SLC6A19: variants seen among roughly 807,000 people sequenced by gnomAD.
SLC6A19 encodes solute carrier family 6 member 19.
A neutral mutation model predicts 68.3 loss-of-function variants in SLC6A19; 67 were observed. That is an observed-to-expected ratio of 0.98 (90% CI 0.81 to 1.20). The LOEUF (loss-of-function observed/expected upper bound fraction) is 1.20. Ranked by LOEUF, SLC6A19 falls within the 50% of genes most tolerant of loss-of-function variation. SLC6A19 has a pLI of 0.00. For synonymous variants in SLC6A19, 392 were observed against 374.9 expected, an observed-to-expected ratio of 1.05 and a Z score of -0.53; for missense variants, 813 against 851.6, an observed-to-expected ratio of 0.95 and a Z score of 0.56.
rs749344612 is a variant in SLC6A19 at position 1,216,726 on chromosome 5, C to G, written c.1016+40C>G. Reference sequence around the variant, plus strand: ...CACCATCCTGGTGCCTTGGGCTGCGCCTCCAGGAAGCCTCCCAGCCTCCCT... The same window carrying G: ...CACCATCCTGGTGCCTTGGGCTGCGGCTCCAGGAAGCCTCCCAGCCTCCCT... On this transcript the variant is annotated intron_variant, in intron 7 of 11. Transcript: ENST00000304460. The G allele has an allele frequency of 1.1e-5, 17 of 1,613,720 alleles. No homozygotes were observed. In the East Asian group the frequency reaches 3.1e-4, roughly 30 times the overall value.
intron 10 of SLC6A19, among the ~76,000 whole-genome samples, chr5:1,220,834 C>T (rs940662810): frequency 3.3e-5 from 5 of 152,168 alleles, no homozygotes; most frequent in African/African-American, 9.7e-5. Flanking sequence ...GGGTGTCTGG[C>T]GGCGCTCCCT....
rs549389104 is a variant in SLC6A19, at chr5:1,211,959, C to A, written c.482-344C>A. Among the ~76,000 whole-genome samples, 20 of 135,336 alleles carry A rather than the reference C, an allele frequency of 1.5e-4. No homozygotes were observed. In the East Asian group the frequency reaches 2.5e-3, roughly 17 times the overall value. 88.8% of individuals were successfully genotyped at this position (135,336 alleles called of 152,430 possible). On this transcript the variant is annotated intron_variant, in intron 3 of 11. Coordinates refer to ENST00000304460, the MANE Select transcript of SLC6A19 (RefSeq NM_001003841.3). The stretch of plus-strand genomic sequence containing the variant: ...TGTGTGTGCATGTGAGCATGTGTGC[C>A]TGTGTGCATGTGTGTGTGTTGTGTG...
rs372554453 is a variant in SLC6A19, at chr5:1,212,319, C to A, written c.498C>A (p.Cys166Ter). ...TCTCCCCAGGGTATGTGGACGAGTG[C>A]GCCAGGAGCTCCCCTGTGGACTACT... ...NENQTGYVDE[C>*]ARSSPVDYFW... Residue 166 changes from cysteine to a stop codon, truncating the protein, a stop_gained, in exon 4 of 12, where the codon TGC (cysteine) becomes TGA (stop). Coordinates refer to ENST00000304460, the MANE Select transcript of SLC6A19 (RefSeq NM_001003841.3). LOFTEE classifies it high-confidence loss of function. This position sits in a 1 kb window ranked among gnomAD's most constrained non-coding sequence, Gnocchi z 5.1. The A allele has an allele frequency of 6.2e-7, 1 of 1,613,480 alleles. No homozygotes were observed. Among genetic ancestry groups the A allele is most frequent in the East Asian group, 2.2e-5 (1 of 44,888 alleles).
At chr5:1,218,721 G>A (rs1284001862) in intron 8 of SLC6A19, among the ~76,000 whole-genome samples, 182 bp from the exon 9 acceptor site, 5 of 152,220 alleles carry the variant, frequency 3.3e-5, no homozygotes, top group Non-Finnish European at 7.3e-5. Context: ...TGCTGGTCCT[G>A]ATGCATAGTT....
chr5:1,211,678 GTGC>G (rs1178146649), intron 3 of SLC6A19, among the ~76,000 whole-genome samples: 1 of 152,058 alleles, frequency 6.6e-6, no homozygotes, highest in East Asian at 1.9e-4. Context: ...GTGAGCATGT[GTGC>G]TGTGTGCATG....
chr5:1,213,687 A>C, intron 5 of SLC6A19, 114 bp downstream of exon 5: 1 of 1,170,268 alleles, frequency 8.5e-7, no homozygotes, highest in Non-Finnish European at 1.2e-6. Context: ...CTGCTGCTCG[A>C]CCAGTCCCAG....
chr5:1,213,851 C>T (rs1310268896), intron 5 of SLC6A19, 102 bp from the exon 6 acceptor site: 13 of 1,577,044 alleles, frequency 8.2e-6, no homozygotes, highest in Non-Finnish European at 1.1e-5. Context: ...TCCTGACCAC[C>T]CCAATAGCCT....
In SLC6A19 at chr5:1,215,058, G is replaced by A. The variant is rs918924866; in HGVS notation, c.887+993G>A. 1.3e-5 allele frequency among the ~76,000 whole-genome samples: 2 copies of A among 152,018 alleles called. No homozygotes were observed. Among genetic ancestry groups the A allele is most frequent in the Non-Finnish European group, 2.9e-5 (2 of 67,974 alleles). Reference sequence around the variant, plus strand: ...ACAGAAAGGACCCTGGAGTCATTGTGCGAGCACTGGGTGGAGCAGTGAAGC... The same window carrying A: ...ACAGAAAGGACCCTGGAGTCATTGTACGAGCACTGGGTGGAGCAGTGAAGC... On this transcript the variant is annotated intron_variant, in intron 6 of 11. Transcript: ENST00000304460. The surrounding 1 kb of genome is among the most constrained non-coding windows in gnomAD (Gnocchi z 5.1).
Position 1,212,465 on chromosome 5 carries a change from G to T in SLC6A19, c.644G>T (p.Gly215Val). The T allele has an allele frequency of 1.2e-6, 2 of 1,608,526 alleles. No individual in the cohort carries two copies. Residue 215 changes from glycine (G) to valine (V), a missense_variant, in exon 4 of 12, where the codon GGC becomes GTC. Physicochemically the swap from Gly to Val is moderately radical, Grantham distance 109. Transcript: ENST00000304460. The surrounding 1 kb of genome is among the most constrained non-coding windows in gnomAD (Gnocchi z 5.1). ...WSVLYMCTIR[G>V]IETTGKAVYI... ...GTCCTGTACATGTGCACCATCCGCG[G>T]CATCGAGACCACCGGGAAGGTACTG...
In SLC6A19 at chr5:1,214,151, T is replaced by C. The variant is rs774883855; in HGVS notation, c.887+86T>C. ...GGATAAAAGACAAGGTGGAAAGCAC[T>C]CTGTGGCTGTGTGGCCGGGGCCTTG... On this transcript the variant is annotated intron_variant, in intron 6 of 11. Coordinates refer to ENST00000304460, the MANE Select transcript of SLC6A19 (RefSeq NM_001003841.3). This position sits in a 1 kb window ranked among gnomAD's most constrained non-coding sequence, Gnocchi z 7.4. 5.1e-5 allele frequency: 81 copies of C among 1,592,112 alleles called. No homozygotes were observed. Among genetic ancestry groups the C allele is most frequent in the Middle Eastern group, 5.0e-4 (3 of 6,046 alleles).
chr5:1,204,542 C>T (rs1014792440), intron 1 of SLC6A19, among the ~76,000 whole-genome samples: 1 of 152,234 alleles, frequency 6.6e-6, no homozygotes, highest in Admixed American at 6.5e-5. Flanking sequence ...GGCAGGGCCC[C>T]GCAGTGCCGG....
rs200447881 is a variant in SLC6A19, at chr5:1,208,927, C to T, written c.343+41C>T. ...CAGTTCCACCCGGGCCCAGGGGTCG[C>T]CTCTGCTGGGAAGCCGTTCCACCCG... On this transcript the variant is annotated intron_variant, in intron 2 of 11. Transcript: ENST00000304460. The T allele has an allele frequency of 3.0e-5, 48 of 1,587,040 alleles. No homozygotes were observed. The Admixed American group carries it at 7.5e-4, about 25-fold the overall frequency.
At chr5:1,221,403 C>A in intron 11 of SLC6A19, 90 bp downstream of exon 11, 2 of 1,478,154 alleles carry the variant, frequency 1.4e-6, no homozygotes, top group Non-Finnish European at 1.9e-6. Flanking sequence ...CATGCACACA[C>A]AATACACACA....
At chr5:1,210,815 G>C (rs1364886214) in intron 3 of SLC6A19, among the ~76,000 whole-genome samples, 1 of 152,214 alleles carries the variant, frequency 6.6e-6, no homozygotes, top group African/African-American at 2.4e-5. Flanking sequence ...GCCCGGGGGG[G>C]CTGTGCCTGC....
chr5:1,213,969 A>G lies in SLC6A19; in HGVS notation c.791A>G (p.Gln264Arg). ...LFTPNVTELAQPDTWLDAGAQ... is the reference protein window; with the variant it reads ...LFTPNVTELARPDTWLDAGAQ... ...GTGGCGCAGGTCACGGAGCTGGCCC[A>G]GCCGGACACCTGGCTGGACGCGGGC... Residue 264 changes from glutamine (Q) to arginine (R), a missense_variant, in exon 6 of 12, where the codon CAG (glutamine) becomes CGG (arginine). By Grantham distance (43) the Gln-to-Arg change is conservative. Transcript: ENST00000304460. 2 of 1,613,412 alleles carry G rather than the reference A, an allele frequency of 1.2e-6. No homozygotes were observed. The highest frequency in any genetic ancestry group is 1.7e-6 in the Non-Finnish European group (2 of 1,179,990).
intron 4 of SLC6A19, among the ~76,000 whole-genome samples, 167 bp from the exon 5 acceptor site, chr5:1,213,296 A>C (rs1579513532): frequency 1.8e-4 from 1 of 5,430 alleles, no homozygotes; most frequent in Non-Finnish European, 3.1e-4. Flanking sequence ...CTGTCCCCCC[A>C]ACAGGCCTGG....
In SLC6A19 at chr5:1,222,313, G is replaced by A; in HGVS notation, c.*409G>A. On this transcript the variant is annotated 3_prime_UTR_variant, in exon 12 of 12. Coordinates refer to ENST00000304460, the MANE Select transcript of SLC6A19 (RefSeq NM_001003841.3). ...ATAGACATACATGCCTATGTTGTGT[G>A]TGGTGTGCATATGTGTGAACACACA... is the stretch of plus-strand genomic sequence containing the variant. 1 of 535,104 alleles carries A rather than the reference G, an allele frequency of 1.9e-6. No individual in the cohort carries two copies. The highest frequency in any genetic ancestry group is 3.3e-6 in the Non-Finnish European group (1 of 305,022). The allele number at this position is 535,104 out of a possible 1,614,324, so 33.1% of individuals were successfully genotyped here.
intron 10 of SLC6A19, 115 bp from the exon 11 acceptor site, chr5:1,221,036 G>T: frequency 7.4e-7 from 1 of 1,358,198 alleles, no homozygotes; most frequent in Non-Finnish European, 1.0e-6. Flanking sequence ...CCCTGGCAAG[G>T]GGAGGCCGGG....
At position 1,212,128 on chromosome 5, in the gene SLC6A19, G is replaced by A. The variant is rs995211789; in HGVS notation, c.482-175G>A. ...GTAGCTGTGCATGTGTGCTGTGTGCGTGCATGCATGTGCGTGCACGTGAGC... is the reference window on the plus strand; with the variant it reads ...GTAGCTGTGCATGTGTGCTGTGTGCATGCATGCATGTGCGTGCACGTGAGC... On this transcript the variant is annotated intron_variant, in intron 3 of 11. Coordinates refer to ENST00000304460, the MANE Select transcript of SLC6A19 (RefSeq NM_001003841.3). This position sits in a 1 kb window ranked among gnomAD's most constrained non-coding sequence, Gnocchi z 5.1. Among the ~76,000 whole-genome samples, 9 of 151,082 alleles carry A rather than the reference G, an allele frequency of 6.0e-5. No individual in the cohort carries two copies. The highest frequency in any genetic ancestry group is 2.0e-4 in the East Asian group (1 of 5,080).
Sources: gnomAD v4.1 joint callset for allele counts (sites outside exome capture counted in the v4.1 genomes callset) on GRCh38, gnomAD v4.1.1 for gene constraint, Gnocchi (gnomAD v3.1) non-coding constraint, MANE v1.5 for transcripts, NCBI Gene and HGNC (gene_info 2026-07-23, HGNC 2026-07-21) for gene names.